The following CAMTA1 variants were observed in gnomAD, a reference collection of about 807,000 sequenced individuals.
The protein encoded by CAMTA1 is calmodulin-binding transcription activator 1.
CAMTA1 carries 27 observed loss-of-function variants against 170.9 expected under a neutral mutation model. The observed-to-expected ratio is 0.16, with a 90% confidence interval of 0.12 to 0.22. The LOEUF (loss-of-function observed/expected upper bound fraction) is 0.22, where lower values mean the gene tolerates loss of function less well. Among genes scored for constraint, CAMTA1 ranks in the 10% least tolerant of loss-of-function variants. The probability of loss-of-function intolerance (pLI) is 1.00; values close to 1 mark genes in which losing one functional copy is unlikely to be tolerated. For missense variants in CAMTA1, 1,619 were observed against 2,217.2 expected (o/e 0.73, Z 5.42); for synonymous variants, 833 against 891.5 (o/e 0.93, Z 1.17).
chr1:7,349,113 G>A (rs1409661183), intron 5 of CAMTA1, among the ~76,000 whole-genome samples: 2 of 152,150 alleles, frequency 1.3e-5, no homozygotes, highest in Non-Finnish European at 2.9e-5. Context: ...TCCGAGCTGT[G>A]ATATAAATGT....
chr1:6,830,012 T>C (rs1439791759), intron 3 of CAMTA1, among the ~76,000 whole-genome samples: 1 of 151,996 alleles, frequency 6.6e-6, no homozygotes, highest in East Asian at 1.9e-4. Context: ...ATTTTGATAG[T>C]TTTGATTCTT....
chr1:6,786,518 G>A (rs993867890), intron 1 of CAMTA1, among the ~76,000 whole-genome samples: 1 of 152,106 alleles, frequency 6.6e-6, no homozygotes, highest in Non-Finnish European at 1.5e-5. Flanking sequence ...CAGGACAAGG[G>A]GACTCAGGCT....
At chr1:6,936,135 G>A (rs1181515351) in intron 3 of CAMTA1, among the ~76,000 whole-genome samples, 1 of 152,234 alleles carries the variant, frequency 6.6e-6, no homozygotes, top group Non-Finnish European at 1.5e-5. Context: ...GAAAGCATCA[G>A]ATTTCTTGGA....
chr1:7,441,571 A>G (rs1256303581), intron 5 of CAMTA1: 1 of 152,270 alleles, frequency 6.6e-6, no homozygotes, highest in African/African-American at 2.4e-5. Flanking sequence ...GGGAGCTTGC[A>G]AAAGGGAAGG....
intron 3 of CAMTA1, among the ~76,000 whole-genome samples, chr1:6,884,122 G>T (rs945036553): frequency 6.6e-6 from 1 of 152,056 alleles, no homozygotes; most frequent in Admixed American, 6.5e-5. Flanking sequence ...GGAGGTCGTG[G>T]TTCATGAAGG....
chr1:7,126,408 T>G (rs1484015634), intron 4 of CAMTA1, among the ~76,000 whole-genome samples: 1 of 152,224 alleles, frequency 6.6e-6, no homozygotes. Flanking sequence ...GGGTGTTTAA[T>G]TCTGAACTCT....
intron 3 of CAMTA1, among the ~76,000 whole-genome samples, chr1:6,850,835 C>A (rs1660096753): frequency 6.6e-6 from 1 of 152,112 alleles, no homozygotes; most frequent in African/African-American, 2.4e-5. Context: ...GATCAGGGAG[C>A]AGGAAAACTT....
In CAMTA1 at chr1:7,569,347, T is replaced by TCAC. The variant is rs1463576061; in HGVS notation, c.511-71052_511-71050dup. Among the ~76,000 whole-genome samples, 5 of 142,990 alleles carry TCAC rather than the reference T, an allele frequency of 3.5e-5. No homozygotes were observed. In the East Asian group the frequency reaches 1.1e-3, roughly 32 times the overall value. The allele number at this position is 142,990 out of a possible 152,430, so 93.8% of individuals were successfully genotyped here. A position where few individuals can be genotyped will look rare whatever the true frequency, so the allele number is the denominator to read the frequency against. ...CACCACATCACCATCATCATCATCA[T>TCAC]CACTACCACCATCACCACCACCAAC... On this transcript the variant is annotated intron_variant, in intron 6 of 22. Transcript: ENST00000303635.
chr1:6,860,016 A>G (rs1160844158), intron 3 of CAMTA1, among the ~76,000 whole-genome samples: 2 of 152,096 alleles, frequency 1.3e-5, no homozygotes, highest in African/African-American at 2.4e-5. Context: ...TTTTTTGGAT[A>G]TGTTACTTTT....
chr1:7,759,932 C>T (rs949435067), intron 22 of CAMTA1, among the ~76,000 whole-genome samples: 33 of 152,126 alleles, frequency 2.2e-4, no homozygotes, highest in Admixed American at 1.7e-3. Flanking sequence ...TGAGTGACAC[C>T]GCTCTTTGAA....
chr1:7,143,597 G>C (rs1646012461), intron 4 of CAMTA1, among the ~76,000 whole-genome samples: 1 of 152,148 alleles, frequency 6.6e-6, no homozygotes, highest in South Asian at 2.1e-4. Context: ...AACTAACACT[G>C]AGGTTCTTCT....
intron 4 of CAMTA1, among the ~76,000 whole-genome samples, chr1:7,187,939 T>C (rs1653735738): frequency 6.6e-6 from 1 of 152,206 alleles, no homozygotes; most frequent in Non-Finnish European, 1.5e-5. Flanking sequence ...TACCCAAGAC[T>C]GGGTAATTTA....
chr1:7,664,816 A>C lies in CAMTA1; in HGVS notation c.2269A>C (p.Asn757His). The C allele has an allele frequency of 6.2e-7, 1 of 1,613,430 alleles. No homozygotes were observed. Among genetic ancestry groups the C allele is most frequent in the Non-Finnish European group, 8.5e-7 (1 of 1,179,940 alleles). Reference protein sequence around the residue: ...VAQPSLGNASNMELSLDHFDI... With the variant: ...VAQPSLGNASHMELSLDHFDI... ...CCAGCCCAGCCTCGGCAACGCCTCC[A>C]ACATGGAGCTCAGCCTGGACCACTT... The change falls in exon 9 of 23, where the codon AAC becomes CAC. Residue 757 changes from asparagine (N) to histidine (H), a missense_variant. Physicochemically the swap from Asn to His is moderately conservative, Grantham distance 68. Transcript: ENST00000303635.
At chr1:7,412,541 G>A (rs542485659) in intron 5 of CAMTA1, among the ~76,000 whole-genome samples, 171 of 152,230 alleles carry the variant, frequency 1.1e-3, no homozygotes, top group African/African-American at 4.0e-3. Flanking sequence ...GTGTTTTTTG[G>A]CTGCATAAAT....
chr1:7,684,808 T>C (rs1216192812), intron 11 of CAMTA1, among the ~76,000 whole-genome samples: 2 of 152,158 alleles, frequency 1.3e-5, no homozygotes, highest in Admixed American at 1.3e-4. Context: ...CAGGGCTCCA[T>C]ATCTTGTAGG....
rs556761760 is a variant in CAMTA1 at position 6,797,575 on chromosome 1, C to T, written c.45+12000C>T. Among the ~76,000 whole-genome samples, 12 of 151,770 alleles carry T rather than the reference C, an allele frequency of 7.9e-5. No homozygotes were observed. In the South Asian group the frequency reaches 1.3e-3, roughly 16 times the overall value. The stretch of plus-strand genomic sequence containing the variant: ...TAATTTTTGTTTTTTTTAGCAGAGA[C>T]GGGGTTTTACCATGTTGGCCAGGCT... On this transcript the variant is annotated intron_variant, in intron 1 of 22. Coordinates refer to ENST00000303635, the MANE Select transcript of CAMTA1 (RefSeq NM_015215.4).
chr1:7,460,901 C>T (rs1303248424), intron 5 of CAMTA1, among the ~76,000 whole-genome samples: 1 of 152,106 alleles, frequency 6.6e-6, no homozygotes, highest in African/African-American at 2.4e-5. Context: ...TCTCTGGGGC[C>T]AGCCACAGGG....
chr1:6,974,877 T>A (rs951833963), intron 3 of CAMTA1, among the ~76,000 whole-genome samples: 2 of 152,196 alleles, frequency 1.3e-5, no homozygotes, highest in Admixed American at 6.5e-5. Context: ...ATAAAAAAAA[T>A]TTATCTGACA....
chr1:6,842,386 G>C lies in CAMTA1; in HGVS notation c.234+17176G>C, dbSNP rs141267192. Among the ~76,000 whole-genome samples the C allele has an allele frequency of 4.7e-4, 71 of 152,262 alleles. 2 individuals are homozygous for C. In the East Asian group the frequency reaches 0.011, roughly 24 times the overall value. ...CCAGTCAGTGCTCCTCCTTCATATG[G>C]GTGGTTCGCAGCCCTGCTGCATGTT... is the stretch of plus-strand genomic sequence containing the variant. On this transcript the variant is annotated intron_variant, in intron 3 of 22. Coordinates refer to ENST00000303635, the MANE Select transcript of CAMTA1 (RefSeq NM_015215.4).
Sources: allele counts gnomAD v4.1 joint callset (sites outside exome capture counted in the v4.1 genomes callset), GRCh38; gene constraint gnomAD v4.1.1; transcripts MANE v1.5; gene names NCBI Gene and HGNC (gene_info 2026-07-23, HGNC 2026-07-21).